HECW1: variants seen among roughly 807,000 people sequenced by gnomAD.
HECW1 encodes the protein HECT, C2 and WW domain containing E3 ubiquitin protein ligase 1, also known as E3 ubiquitin-protein ligase HECW1.
In HECW1, 61 loss-of-function variants were observed where a neutral mutation model predicts 182.3. The ratio of observed to expected loss-of-function variants is 0.33; its 90% CI spans 0.27 to 0.41. The LOEUF is 0.41. Among genes scored for constraint, HECW1 ranks in the 10% least tolerant of loss-of-function variants. The pLI, the probability that HECW1 is intolerant of heterozygous loss-of-function variation, is 1.00. For synonymous variants in HECW1, 859 were observed against 832.6 expected, an observed-to-expected ratio of 1.03 and a Z score of -0.55; for missense variants, 1,739 against 2,108.9, an observed-to-expected ratio of 0.82 and a Z score of 3.44.
intron 3 of HECW1, among the ~76,000 whole-genome samples, chr7:43,292,944 G>A (rs774889369): frequency 2.6e-5 from 4 of 152,176 alleles, no homozygotes; most frequent in Non-Finnish European, 5.9e-5. Context: ...GGGATTTATT[G>A]AAAATGAAAG....
rs1434525710 is a variant in HECW1 at position 43,561,835 on chromosome 7, G to A, written c.4730G>A (p.Arg1577Gln). 3 of 1,613,450 alleles carry A rather than the reference G, an allele frequency of 1.9e-6. No homozygotes were observed. The highest frequency in any genetic ancestry group is 2.5e-6 in the Non-Finnish European group (3 of 1,179,484). Residue 1577 changes from arginine (R) to glutamine (Q), a missense_variant, in exon 30 of 30, where the codon CGA becomes CAA. Arg to Gln is a conservative substitution (Grantham distance 43, BLOSUM62 1). Coordinates refer to ENST00000395891, the MANE Select transcript of HECW1 (RefSeq NM_015052.5). ...TTCAGGGCACACACATGCTTCAACC[G>A]ACTGGATCTTCCACCGTATCCCTCG... ...SLPRAHTCFN[R>Q]LDLPPYPSYS...
intron 3 of HECW1, among the ~76,000 whole-genome samples, chr7:43,277,384 TG>T (rs1329751616): frequency 6.6e-6 from 1 of 152,196 alleles, no homozygotes; most frequent in Non-Finnish European, 1.5e-5. Context: ...TTGTTCCGTT[TG>T]GTTTTGTTTT....
At chr7:43,209,405 C>T (rs1198809127) in intron 2 of HECW1, among the ~76,000 whole-genome samples, 1 of 152,136 alleles carries the variant, frequency 6.6e-6, no homozygotes, top group East Asian at 1.9e-4. Flanking sequence ...GCTTCCTGAG[C>T]CTCTCACTCT....
At chr7:43,288,170 A>T (rs1487349198) in intron 3 of HECW1, among the ~76,000 whole-genome samples, 1 of 152,158 alleles carries the variant, frequency 6.6e-6, no homozygotes, top group African/African-American at 2.4e-5. Flanking sequence ...AATTAAACAC[A>T]CAGCCCAAAC....
chr7:43,281,713 C>CTTTTTTTT (rs55860415), intron 3 of HECW1, among the ~76,000 whole-genome samples: 4 of 77,348 alleles, frequency 5.2e-5, no homozygotes, highest in Admixed American at 1.6e-4. Flanking sequence ...TCTTTGCTTT[C>CTTTTTTTT]TTTTTTTTTT....
At chr7:43,160,587 C>G (rs940851671) in intron 2 of HECW1, among the ~76,000 whole-genome samples, 2 of 152,164 alleles carry the variant, frequency 1.3e-5, no homozygotes, top group Admixed American at 1.3e-4. Context: ...ATCGCAAAGT[C>G]TTCAACGTAT....
chr7:43,449,786 A>G (rs983508385), intron 11 of HECW1, among the ~76,000 whole-genome samples: 1 of 100,512 alleles, frequency 9.9e-6, no homozygotes, highest in African/African-American at 3.5e-5. Flanking sequence ...AGGAGGAACC[A>G]TCTGAAAAAA....
At chr7:43,417,395 C>T (rs2076045777) in intron 8 of HECW1, among the ~76,000 whole-genome samples, 1 of 152,148 alleles carries the variant, frequency 6.6e-6, no homozygotes, top group Non-Finnish European at 1.5e-5. Context: ...GATATCATTT[C>T]CCTTCATCAT....
intron 21 of HECW1, among the ~76,000 whole-genome samples, chr7:43,503,682 T>TC (rs2079462151): frequency 6.6e-6 from 1 of 151,588 alleles, no homozygotes; most frequent in Non-Finnish European, 1.5e-5. Context: ...AACTTTACAA[T>TC]CCCCATTCTC....
rs140487517 is a variant in HECW1, at chr7:43,446,624, AT to A, written c.2398+1064del. Among the ~76,000 whole-genome samples, 542 of 150,936 alleles carry A rather than the reference AT, an allele frequency of 3.6e-3. 2 individuals are homozygous for A. The highest frequency in any genetic ancestry group is 0.01 in the African/African-American group (426 of 41,190). On this transcript the variant is annotated intron_variant, in intron 11 of 29. Coordinates refer to ENST00000395891, the MANE Select transcript of HECW1 (RefSeq NM_015052.5). ...CTAAACAAACCCCTGGTGCCTACAA[AT>A]TTTTTTTTTAACAGGAGCTAAAGTG...
chr7:43,500,601 C>T, intron 19 of HECW1, 98 bp from the exon 20 acceptor site: 1 of 956,544 alleles, frequency 1.0e-6, no homozygotes, highest in Non-Finnish European at 1.7e-6. Flanking sequence ...CATTGCTATT[C>T]AGCAGTATTG....
chr7:43,515,569 A>G (rs2080107383), intron 24 of HECW1, among the ~76,000 whole-genome samples: 1 of 152,238 alleles, frequency 6.6e-6, no homozygotes, highest in African/African-American at 2.4e-5. Flanking sequence ...TGACAGGCTA[A>G]ATAGCTTGAA....
intron 6 of HECW1, among the ~76,000 whole-genome samples, chr7:43,371,044 C>T (rs909086590): frequency 1.3e-5 from 2 of 152,008 alleles, no homozygotes; most frequent in African/African-American, 2.4e-5. Context: ...CCCGCCACCA[C>T]GTCTGGCTAA....
At chr7:43,497,101 G>A (rs990225010) in intron 19 of HECW1, among the ~76,000 whole-genome samples, 2 of 152,176 alleles carry the variant, frequency 1.3e-5, no homozygotes, top group African/African-American at 4.8e-5. Flanking sequence ...TAATATGCTG[G>A]TGCAGAGGAA....
intron 2 of HECW1, among the ~76,000 whole-genome samples, chr7:43,127,364 A>T (rs2152614505): frequency 6.6e-6 from 1 of 152,122 alleles, no homozygotes; most frequent in Admixed American, 6.6e-5. Flanking sequence ...TCTCTACTAA[A>T]AATACAAAAT....
At chr7:43,136,540 C>T (rs146373278) in intron 2 of HECW1, among the ~76,000 whole-genome samples, 140 of 152,276 alleles carry the variant, frequency 9.2e-4, no homozygotes, top group African/African-American at 3.1e-3. Flanking sequence ...AAAAACGGGT[C>T]ACTTCTGGAA....
At chr7:43,422,928 C>G (rs375094916) in intron 8 of HECW1, among the ~76,000 whole-genome samples, 1 of 82,372 alleles carries the variant, frequency 1.2e-5, no homozygotes, top group Non-Finnish European at 2.3e-5. Flanking sequence ...AGTGCCTGGC[C>G]GAGAGTCGTG....
At chr7:43,556,494 C>T (rs2082027061) in intron 29 of HECW1, among the ~76,000 whole-genome samples, 1 of 152,140 alleles carries the variant, frequency 6.6e-6, no homozygotes, top group African/African-American at 2.4e-5. Context: ...CAAGACCAAC[C>T]TGGGCAACAG....
chr7:43,257,277 G>A (rs187364498), intron 3 of HECW1, among the ~76,000 whole-genome samples: 1 of 152,344 alleles, frequency 6.6e-6, no homozygotes, highest in East Asian at 1.9e-4. Flanking sequence ...TTGATCTGAT[G>A]TATTTGCTGC....
Sources: gnomAD v4.1 joint callset for allele counts (sites outside exome capture counted in the v4.1 genomes callset) on GRCh38, gnomAD v4.1.1 for gene constraint, MANE v1.5 for transcripts, NCBI Gene and HGNC (gene_info 2026-07-23, HGNC 2026-07-21) for gene names.